Variants in KHDRBS2 observed in about 807,000 individuals in gnomAD.
KHDRBS2 encodes KH RNA binding domain containing, signal transduction associated 2.
In KHDRBS2, 26 loss-of-function variants were observed where a neutral mutation model predicts 44.3. The observed-to-expected ratio is 0.59, with a 90% CI of 0.43 to 0.81. The LOEUF (loss-of-function observed/expected upper bound fraction) is 0.81, where lower values mean the gene tolerates loss of function less well. Among genes scored for constraint, KHDRBS2 ranks in the 40% least tolerant of loss-of-function variants. KHDRBS2 has a pLI of 0.00. For synonymous variants in KHDRBS2, 194 were observed against 151.1 expected (o/e 1.28, Z -2.08); for missense variants, 476 against 433.1 (o/e 1.10, Z -0.88).
At chr6:61,899,062 A>T (rs1053580529) in intron 5 of KHDRBS2, among the ~76,000 whole-genome samples, 4 of 151,934 alleles carry the variant, frequency 2.6e-5, no homozygotes, top group Non-Finnish European at 5.9e-5. Context: ...CTTTTATAAC[A>T]TTGATTTGTA....
the KHDRBS2 span, among the ~76,000 whole-genome samples, chr6:61,650,029 G>C: frequency 6.6e-6 from 1 of 152,070 alleles, no homozygotes; most frequent in Non-Finnish European, 1.5e-5. Flanking sequence ...AGCCCCAGTT[G>C]CTCACCAGTG....
At chr6:61,595,388 C>A in the KHDRBS2 span, among the ~76,000 whole-genome samples, 1 of 152,046 alleles carries the variant, frequency 6.6e-6, no homozygotes, top group Non-Finnish European at 1.5e-5. Flanking sequence ...TTTAGAAATT[C>A]CCTTTCCCTA....
At chr6:61,743,114 G>C (rs545291477) in intron 6 of KHDRBS2, among the ~76,000 whole-genome samples, 10 of 152,038 alleles carry the variant, frequency 6.6e-5, no homozygotes, top group Admixed American at 4.6e-4. Flanking sequence ...AACCTCAAGA[G>C]ACATACGTGG....
chr6:61,762,899 T>C (rs545085742), intron 6 of KHDRBS2, among the ~76,000 whole-genome samples: 1 of 152,022 alleles, frequency 6.6e-6, no homozygotes, highest in South Asian at 2.1e-4. Flanking sequence ...AGCCGTTGCT[T>C]TTTTTTTGCC....
At chr6:61,635,553 G>A in the KHDRBS2 span, among the ~76,000 whole-genome samples, 2 of 151,922 alleles carry the variant, frequency 1.3e-5, no homozygotes, top group East Asian at 3.9e-4. Flanking sequence ...ACCTGAAATT[G>A]AATTTTGTCC....
chr6:61,591,566 T>C, the KHDRBS2 span, among the ~76,000 whole-genome samples: 1 of 152,068 alleles, frequency 6.6e-6, no homozygotes, highest in Non-Finnish European at 1.5e-5. Context: ...GTAACTAAAC[T>C]CTAGTAACTC....
chr6:62,045,001 G>A (rs1787370462), intron 3 of KHDRBS2, among the ~76,000 whole-genome samples: 1 of 151,960 alleles, frequency 6.6e-6, no homozygotes, highest in South Asian at 2.1e-4. Context: ...TATAAATTTA[G>A]CATCTAGCAC....
intron 2 of KHDRBS2, among the ~76,000 whole-genome samples, chr6:62,065,884 A>G (rs1475504859): frequency 6.6e-6 from 1 of 151,864 alleles, no homozygotes; most frequent in African/African-American, 2.4e-5. Context: ...CAACACATAC[A>G]CAATTCATGT....
chr6:61,803,924 CAATT>C (rs1282246240), intron 6 of KHDRBS2, among the ~76,000 whole-genome samples: 2 of 152,072 alleles, frequency 1.3e-5, no homozygotes, highest in African/African-American at 4.8e-5. Context: ...ATGGAGATTA[CAATT>C]CAAGATGAGA....
chr6:61,901,536 T>G (rs1003775997), intron 4 of KHDRBS2, among the ~76,000 whole-genome samples, 165 bp from the exon 5 acceptor site: 4 of 152,292 alleles, frequency 2.6e-5, no homozygotes, highest in South Asian at 2.1e-4. Context: ...AAAGTGTATA[T>G]ACTTTAAATT....
the KHDRBS2 span, among the ~76,000 whole-genome samples, chr6:61,590,663 T>G: frequency 6.6e-6 from 1 of 152,138 alleles, no homozygotes; most frequent in African/African-American, 2.4e-5. Flanking sequence ...TTATGTGAAT[T>G]TACTTTCTGG....
chr6:62,126,289 G>A (rs1467593870), intron 2 of KHDRBS2, among the ~76,000 whole-genome samples: 1 of 152,200 alleles, frequency 6.6e-6, no homozygotes, highest in African/African-American at 2.4e-5. Context: ...AATGTGGGCA[G>A]AACTTTATCT....
At chr6:62,252,833 A>T (rs922183046) in intron 1 of KHDRBS2, among the ~76,000 whole-genome samples, 6 of 152,160 alleles carry the variant, frequency 3.9e-5, no homozygotes, top group African/African-American at 1.4e-4. Context: ...AGGTCAGTCT[A>T]TTGATAATTT....
At chr6:61,952,631 C>T (rs1283179621) in intron 4 of KHDRBS2, among the ~76,000 whole-genome samples, 1 of 151,966 alleles carries the variant, frequency 6.6e-6, no homozygotes, top group Non-Finnish European at 1.5e-5. Flanking sequence ...ATCTATCTTC[C>T]CTTACTCCAC....
chr6:61,620,702 G>C, the KHDRBS2 span, among the ~76,000 whole-genome samples: 2 of 152,184 alleles, frequency 1.3e-5, no homozygotes, highest in East Asian at 3.9e-4. Flanking sequence ...TTCCCACTCA[G>C]CATTCACCTA....
At chr6:61,883,947 G>C (rs766824620) in intron 6 of KHDRBS2, among the ~76,000 whole-genome samples, 2 of 151,968 alleles carry the variant, frequency 1.3e-5, no homozygotes, top group Non-Finnish European at 2.9e-5. Context: ...AAGGCTCTTG[G>C]CTATTACACA....
chr6:61,842,671 AAAAC>A (rs1793758262), intron 6 of KHDRBS2, among the ~76,000 whole-genome samples: 1 of 152,152 alleles, frequency 6.6e-6, no homozygotes, highest in Non-Finnish European at 1.5e-5. Context: ...TGCTTTATGA[AAAAC>A]AATCAGGCAG....
the KHDRBS2 span, among the ~76,000 whole-genome samples, chr6:61,578,672 T>C: frequency 2.6e-5 from 4 of 152,222 alleles, no homozygotes; most frequent in Non-Finnish European, 5.9e-5. Flanking sequence ...AGTGATAAGA[T>C]ATTTTTAATG....
the KHDRBS2 span, among the ~76,000 whole-genome samples, chr6:61,665,816 A>C: frequency 6.6e-6 from 1 of 151,258 alleles, no homozygotes. Flanking sequence ...TTTGAAATTT[A>C]ATTCCATCAT....
Sources: gnomAD v4.1 joint callset for allele counts (sites outside exome capture counted in the v4.1 genomes callset) on GRCh38, gnomAD v4.1.1 for gene constraint, MANE v1.5 for transcripts, NCBI Gene and HGNC (gene_info 2026-07-23, HGNC 2026-07-21) for gene names.